LARGE1: variants seen among roughly 807,000 people sequenced by gnomAD.
LARGE1 encodes the protein xylosyl- and glucuronyltransferase LARGE1.
LARGE1 carries 43 observed loss-of-function variants against 87.6 expected under a neutral mutation model. The ratio of observed to expected loss-of-function variants is 0.49; its 90% confidence interval spans 0.38 to 0.63. The LOEUF (loss-of-function observed/expected upper bound fraction) is 0.63. LARGE1 is among the 30% of genes least tolerant of loss of function. The pLI is 0.00. For synonymous variants in LARGE1, 434 were observed against 394.6 expected, an observed-to-expected ratio of 1.10 and a Z score of -1.18; for missense variants, 802 against 1,000.2, an observed-to-expected ratio of 0.80 and a Z score of 2.67.
At chr22:33,811,032 C>T (rs1556101552) in intron 1 of LARGE1, among the ~76,000 whole-genome samples, 1 of 152,110 alleles carries the variant, frequency 6.6e-6, no homozygotes, top group Non-Finnish European at 1.5e-5. Context: ...CATAACCTAA[C>T]CTGCCCCCGA....
intron 12 of LARGE1, among the ~76,000 whole-genome samples, chr22:33,292,102 A>AACAAAC (rs1327906100): frequency 1.3e-5 from 2 of 152,060 alleles, no homozygotes. Flanking sequence ...TCAAAACAAA[A>AACAAAC]ACAAACACAA....
At chr22:33,354,784 T>A (rs1303004771) in intron 9 of LARGE1, among the ~76,000 whole-genome samples, 1 of 152,228 alleles carries the variant, frequency 6.6e-6, no homozygotes, top group Admixed American at 6.5e-5. Flanking sequence ...GGGATCCTTT[T>A]TGCAGTCATA....
At chr22:33,288,500 A>G (rs1931949068) in intron 12 of LARGE1, among the ~76,000 whole-genome samples, 1 of 152,130 alleles carries the variant, frequency 6.6e-6, no homozygotes, top group African/African-American at 2.4e-5. Flanking sequence ...TACATATATT[A>G]CTATCTATAG....
At chr22:33,804,229 G>T (rs772117616) in intron 1 of LARGE1, among the ~76,000 whole-genome samples, 1 of 152,120 alleles carries the variant, frequency 6.6e-6, no homozygotes, top group Non-Finnish European at 1.5e-5. Context: ...ATTTCTCTGG[G>T]AATTGCCTTT....
chr22:33,579,074 A>G (rs989886356), intron 5 of LARGE1, among the ~76,000 whole-genome samples: 2 of 152,190 alleles, frequency 1.3e-5, no homozygotes, highest in African/African-American at 4.8e-5. Context: ...TGGATTTTTA[A>G]CTTCTGTACT....
chr22:33,712,399 C>A (rs1603223980), intron 2 of LARGE1, among the ~76,000 whole-genome samples: 5 of 152,186 alleles, frequency 3.3e-5, no homozygotes, highest in South Asian at 4.1e-4. Context: ...GGCTCGAAGG[C>A]TTCTAGAGGA....
chr22:33,748,438 G>A (rs564400607), intron 2 of LARGE1, among the ~76,000 whole-genome samples: 1 of 152,176 alleles, frequency 6.6e-6, no homozygotes, highest in Non-Finnish European at 1.5e-5. Flanking sequence ...CTCCTTGAGC[G>A]ACCTGTTGCT....
In LARGE1 at chr22:33,703,355, G is replaced by GAA. The variant is rs780406393; in HGVS notation, c.107-52689_107-52688dup. Among the ~76,000 whole-genome samples the GAA allele has an allele frequency of 6.2e-3, 535 of 86,646 alleles. 4 individuals carry two copies. The highest frequency in any genetic ancestry group is 9.9e-3 in the Non-Finnish European group (404 of 40,724). The allele number at this position is 86,646 out of a possible 152,430, so 56.8% of individuals were successfully genotyped here. On this transcript the variant is annotated intron_variant, in intron 2 of 14. Transcript: ENST00000397394. ...GGACATGTATCCCAGAGCCTAAAGT[G>GAA]AAAAAAAAAAAAAAAATAAAATAAA... is the stretch of plus-strand genomic sequence containing the variant.
chr22:33,369,511 T>G (rs2064728443), intron 9 of LARGE1, among the ~76,000 whole-genome samples: 1 of 152,234 alleles, frequency 6.6e-6, no homozygotes, highest in African/African-American at 2.4e-5. Flanking sequence ...CAGAGCCTTC[T>G]TAGTTCTCTA....
At chr22:33,757,568 G>A (rs780942434) in intron 2 of LARGE1, among the ~76,000 whole-genome samples, 8 of 152,158 alleles carry the variant, frequency 5.3e-5, no homozygotes, top group East Asian at 1.9e-4. Context: ...ATGCTGCGGC[G>A]TGTAATCCAA....
intron 10 of LARGE1, among the ~76,000 whole-genome samples, chr22:33,331,143 A>G (rs1341088153): frequency 6.6e-6 from 1 of 152,132 alleles, no homozygotes; most frequent in Non-Finnish European, 1.5e-5. Flanking sequence ...TCCTGGTGCC[A>G]AGTCCTTCTT....
At chr22:33,796,421 C>T (rs529607031) in intron 1 of LARGE1, among the ~76,000 whole-genome samples, 1 of 152,244 alleles carries the variant, frequency 6.6e-6, no homozygotes, top group South Asian at 2.1e-4. Flanking sequence ...TGGGAGGACA[C>T]CAGGCAAAGC....
At chr22:33,880,480 A>C (rs1295317094) in intron 1 of LARGE1, among the ~76,000 whole-genome samples, 1 of 152,214 alleles carries the variant, frequency 6.6e-6, no homozygotes, top group East Asian at 1.9e-4. Flanking sequence ...GACAGAGATA[A>C]GGCCCAGACC....
At chr22:33,503,601 C>A (rs913545822) in intron 6 of LARGE1, among the ~76,000 whole-genome samples, 2 of 152,068 alleles carry the variant, frequency 1.3e-5, no homozygotes, top group Admixed American at 6.5e-5. Context: ...GAGTTTGAGA[C>A]CAGCCTGGCC....
At chr22:33,156,738 G>A in the LARGE1 span, among the ~76,000 whole-genome samples, 1 of 152,076 alleles carries the variant, frequency 6.6e-6, no homozygotes, top group Non-Finnish European at 1.5e-5. Context: ...TGAAATGTGG[G>A]GACATGAGAT....
rs1036810333 is a variant in LARGE1, at chr22:33,385,374, C to T, written c.893-1070G>A. Among the ~76,000 whole-genome samples the T allele has an allele frequency of 3.4e-5, 5 of 146,310 alleles. 1 individual carries two copies. Among genetic ancestry groups the T allele is most frequent in the Admixed American group, 6.8e-5 (1 of 14,694 alleles). ...TGAAACCCCATCTCTACTAAAAATG[C>T]AAAATTAGCTGGGTGTGGTGGTGCA... On this transcript the variant is annotated intron_variant, in intron 7 of 14. Coordinates refer to ENST00000397394, the MANE Select transcript of LARGE1 (RefSeq NM_133642.5).
At chr22:33,457,872 T>C (rs567255039) in intron 6 of LARGE1, among the ~76,000 whole-genome samples, 1 of 152,246 alleles carries the variant, frequency 6.6e-6, no homozygotes, top group East Asian at 1.9e-4. Context: ...GGAGAGGCTG[T>C]GTGTGTATAT....
intron 1 of LARGE1, among the ~76,000 whole-genome samples, chr22:33,830,762 G>A (rs1162167174): frequency 6.6e-6 from 1 of 152,196 alleles, no homozygotes; most frequent in Non-Finnish European, 1.5e-5. Flanking sequence ...CAATTCTGGA[G>A]GCTGAGAAGC....
At chr22:33,609,011 T>G (rs2079346669) in intron 4 of LARGE1, among the ~76,000 whole-genome samples, 2 of 152,238 alleles carry the variant, frequency 1.3e-5, no homozygotes, top group South Asian at 4.1e-4. Context: ...ATACTGCTTT[T>G]TTTCTCTACT....
Sources: gnomAD v4.1 joint callset for allele counts (sites outside exome capture counted in the v4.1 genomes callset) on GRCh38, gnomAD v4.1.1 for gene constraint, MANE v1.5 for transcripts, NCBI Gene and HGNC (gene_info 2026-07-23, HGNC 2026-07-21) for gene names.